CLTCL1: variants seen among roughly 807,000 people sequenced by gnomAD.
CLTCL1 encodes the protein clathrin heavy chain 2.
In CLTCL1, 159 loss-of-function variants were observed where a neutral mutation model predicts 190.0. That is an observed-to-expected ratio of 0.84 (90% CI 0.74 to 0.95). CLTCL1 has a LOEUF of 0.95. Among genes scored for constraint, CLTCL1 ranks in the 40% least tolerant of loss-of-function variants. The probability of loss-of-function intolerance (pLI) is 0.00; values close to 1 mark genes in which losing one functional copy is unlikely to be tolerated. For missense variants in CLTCL1, 1,878 were observed against 2,033.4 expected, an observed-to-expected ratio of 0.92 and a Z score of 1.47; for synonymous variants, 752 against 769.6, an observed-to-expected ratio of 0.98 and a Z score of 0.38.
intron 1 of CLTCL1, among the ~76,000 whole-genome samples, chr22:19,279,005 G>T (rs2146321347): frequency 6.6e-6 from 1 of 152,160 alleles, no homozygotes; most frequent in Admixed American, 6.5e-5. Context: ...GCCTCCCAAA[G>T]TGCTGGGATT....
intron 1 of CLTCL1, among the ~76,000 whole-genome samples, chr22:19,290,620 G>C (rs1377058681): frequency 6.6e-6 from 1 of 152,162 alleles, no homozygotes; most frequent in African/African-American, 2.4e-5. Flanking sequence ...TGCAGAATGA[G>C]GGGACTGGAC....
intron 22 of CLTCL1, among the ~76,000 whole-genome samples, chr22:19,206,984 C>T (rs1464556662): frequency 2.5e-4 from 35 of 141,234 alleles, no homozygotes; most frequent in Non-Finnish European, 4.5e-4. Flanking sequence ...ATTATGTTAT[C>T]TGATTTTTGG....
At chr22:19,248,394 C>T (rs2086487194) in intron 3 of CLTCL1, among the ~76,000 whole-genome samples, 1 of 152,082 alleles carries the variant, frequency 6.6e-6, no homozygotes. Flanking sequence ...ATTCTTCTTC[C>T]AGTGTGGCCC....
rs568602088 is a variant in CLTCL1 at position 19,221,866 on chromosome 22, G to C, written c.2561+85C>G. On this transcript the variant is annotated intron_variant, in intron 16 of 32. Coordinates refer to ENST00000427926, the MANE Select transcript of CLTCL1 (RefSeq NM_007098.4). ...ATGTGTACATGAACGACCAGCTATAGAGACAGTCCTGGAGAATTAGACAGA... is the reference window on the plus strand; with the variant it reads ...ATGTGTACATGAACGACCAGCTATACAGACAGTCCTGGAGAATTAGACAGA... 1.6e-4 allele frequency: 243 copies of C among 1,473,392 alleles called. No homozygotes were observed. The African/African-American group carries it at 3.1e-3, about 19-fold the overall frequency. 91.3% of individuals were successfully genotyped at this position (1,473,392 alleles called of 1,614,324 possible). A position where few individuals can be genotyped will look rare whatever the true frequency, so the allele number is the denominator to read the frequency against.
At chr22:19,233,994 A>G (rs1377203414) in intron 7 of CLTCL1, among the ~76,000 whole-genome samples, 2 of 152,242 alleles carry the variant, frequency 1.3e-5, no homozygotes, top group African/African-American at 4.8e-5. Context: ...GAAAGACAAG[A>G]AAAATTCTTT....
intron 20 of CLTCL1, among the ~76,000 whole-genome samples, chr22:19,209,701 G>A (rs533410531): frequency 6.6e-6 from 1 of 152,304 alleles, no homozygotes; most frequent in African/African-American, 2.4e-5. Flanking sequence ...TAAGGTAAAG[G>A]AAGAGGCAAG....
At chr22:19,276,167 CCCA>C (rs1294040290) in intron 1 of CLTCL1, among the ~76,000 whole-genome samples, 1 of 151,932 alleles carries the variant, frequency 6.6e-6, no homozygotes, top group Non-Finnish European at 1.5e-5. Flanking sequence ...CACAGATAAG[CCCA>C]CCACCGAGGA....
chr22:19,180,728 T>C lies in CLTCL1; in HGVS notation c.4903+3A>G, dbSNP rs879971782. ...GGGGTTGGGGGCTACAGGTGCCACC[T>C]ACCAAACACGAGAGGGGCAGGCTCT... On this transcript the variant is annotated splice_donor_region_variant and intron_variant, in intron 31 of 32. Coordinates refer to ENST00000427926, the MANE Select transcript of CLTCL1 (RefSeq NM_007098.4). The C allele has an allele frequency of 1.9e-6, 3 of 1,613,576 alleles. No individual in the cohort carries two copies. Among genetic ancestry groups the C allele is most frequent in the Admixed American group, 1.7e-5 (1 of 60,018 alleles).
Position 19,221,977 on chromosome 22 carries a change from C to A in CLTCL1, c.2535G>T (p.Leu845Phe). 6.2e-7 allele frequency: 1 copy of A among 1,613,928 alleles called. No individual in the cohort carries two copies. The highest frequency in any genetic ancestry group is 8.5e-7 in the Non-Finnish European group (1 of 1,179,874). The change falls in exon 16 of 33, where the codon TTG becomes TTT. Residue 845 changes from leucine (L) to phenylalanine (F), a missense_variant. Transcript: ENST00000427926. ...AVRGQFSTDE[L>F]VAEVEKRNRL... ...TATTTCTTTTTTCTACTTCAGCCAC[C>A]AACTCATCAGTAGAGAACTGTCCTC... is the stretch of plus-strand genomic sequence containing the variant.
chr22:19,214,712 G>A (rs1239020019), intron 19 of CLTCL1, among the ~76,000 whole-genome samples: 1 of 141,306 alleles, frequency 7.1e-6, no homozygotes, highest in Non-Finnish European at 1.5e-5. Context: ...ATGGAGTCTC[G>A]CTCTGTCACC....
chr22:19,227,399 C>T (rs1318290931), intron 11 of CLTCL1, among the ~76,000 whole-genome samples: 3 of 150,166 alleles, frequency 2.0e-5, no homozygotes, highest in Non-Finnish European at 4.4e-5. Flanking sequence ...CCTCCCACTT[C>T]AGCCTCCCAA....
intron 23 of CLTCL1, among the ~76,000 whole-genome samples, chr22:19,200,665 C>G (rs1456398633): frequency 2.0e-5 from 3 of 151,994 alleles, no homozygotes; most frequent in African/African-American, 7.3e-5. Context: ...ATGGTGAAAC[C>G]CCGACTCTAC....
chr22:19,253,742 C>T (rs1214825332), intron 3 of CLTCL1, among the ~76,000 whole-genome samples: 3 of 151,858 alleles, frequency 2.0e-5, no homozygotes, highest in Non-Finnish European at 4.4e-5. Flanking sequence ...GCTCTGTTGC[C>T]CAGGCTGGAG....
At chr22:19,188,915 G>A (rs573639678) in intron 27 of CLTCL1, among the ~76,000 whole-genome samples, 37 of 151,908 alleles carry the variant, frequency 2.4e-4, no homozygotes, top group South Asian at 1.5e-3. Context: ...GCGCCCAGCC[G>A]GCAATTTCTT....
At chr22:19,181,022 T>A in intron 30 of CLTCL1, 1 of 569,198 alleles carries the variant, frequency 1.8e-6, no homozygotes, top group Non-Finnish European at 3.2e-6. Context: ...TGGGCTGAGA[T>A]GGAACGCCAG....
intron 17 of CLTCL1, 138 bp downstream of exon 17, chr22:19,221,239 G>A: frequency 1.5e-6 from 1 of 675,996 alleles, no homozygotes; most frequent in East Asian, 2.7e-5. Flanking sequence ...AAAGCTGTGA[G>A]AATCACAAGG....
chr22:19,243,237 A>G (rs1316543895), intron 3 of CLTCL1, among the ~76,000 whole-genome samples: 1 of 152,046 alleles, frequency 6.6e-6, no homozygotes, highest in Middle Eastern at 3.2e-3. Context: ...TGGAGGAAAA[A>G]CTCTAAAGCA....
chr22:19,254,251 T>C (rs1555971532), intron 2 of CLTCL1, 24 bp from the exon 3 acceptor site: 8 of 1,573,970 alleles, frequency 5.1e-6, no homozygotes, highest in Middle Eastern at 1.7e-4. Flanking sequence ...TAATAGAGAT[T>C]AGAGAAAGAC....
At chr22:19,280,265 T>G (rs2087659027) in intron 1 of CLTCL1, among the ~76,000 whole-genome samples, 1 of 151,978 alleles carries the variant, frequency 6.6e-6, no homozygotes, top group Non-Finnish European at 1.5e-5. Context: ...TGGATGCTGA[T>G]TCAAATAAAG....
Sources: gnomAD v4.1 joint callset for allele counts (sites outside exome capture counted in the v4.1 genomes callset) on GRCh38, gnomAD v4.1.1 for gene constraint, MANE v1.5 for transcripts, NCBI Gene and HGNC (gene_info 2026-07-23, HGNC 2026-07-21) for gene names.